The following ROCK2 variants were observed in gnomAD, a reference collection of about 807,000 sequenced individuals.
The protein encoded by ROCK2 is rho-associated protein kinase 2.
Under a neutral mutation model 195.1 loss-of-function variants are expected in ROCK2, and 61 were observed. The observed-to-expected ratio is 0.31, with a 90% CI of 0.25 to 0.39. The LOEUF is 0.39. Among genes scored for constraint, ROCK2 ranks in the 10% least tolerant of loss-of-function variants. The pLI is 1.00. For missense variants in ROCK2, 1,109 were observed against 1,637.4 expected (o/e 0.68, Z 5.57); for synonymous variants, 504 against 545.5 (o/e 0.92, Z 1.06).
intron 1 of ROCK2, among the ~76,000 whole-genome samples, chr2:11,310,625 T>C (rs1668003578): frequency 6.6e-6 from 1 of 152,132 alleles, no homozygotes; most frequent in Non-Finnish European, 1.5e-5. Context: ...ATATTTTATA[T>C]CCTGGCATGC....
chr2:11,298,896 T>C (rs1045675428), intron 1 of ROCK2, among the ~76,000 whole-genome samples: 3 of 152,158 alleles, frequency 2.0e-5, no homozygotes, highest in Non-Finnish European at 4.4e-5. Context: ...TTGTCAGAAT[T>C]TGATATATCA....
In ROCK2 at chr2:11,220,563, T is replaced by C. The variant is rs145299972; in HGVS notation, c.1259+635A>G. Among the ~76,000 whole-genome samples, 103 of 152,248 alleles carry C rather than the reference T, an allele frequency of 6.8e-4. 3 individuals are homozygous for C. In the East Asian group the frequency reaches 0.018, roughly 27 times the overall value. On this transcript the variant is annotated intron_variant, in intron 9 of 32. Transcript: ENST00000315872. ...AGAGACTACAGGCAAGAAAACCACA[T>C]AGTCTCATCGAGTCCTCCAAACTGT...
At chr2:11,296,306 A>G (rs1667536994) in intron 1 of ROCK2, among the ~76,000 whole-genome samples, 1 of 152,176 alleles carries the variant, frequency 6.6e-6, no homozygotes, top group African/African-American at 2.4e-5. Flanking sequence ...GAAAAGATAC[A>G]ACAAACAGAT....
At chr2:11,289,377 T>C (rs1667293862) in intron 1 of ROCK2, among the ~76,000 whole-genome samples, 1 of 152,206 alleles carries the variant, frequency 6.6e-6, no homozygotes, top group South Asian at 2.1e-4. Context: ...ATTAGTATAA[T>C]TTTGATATTT....
At chr2:11,213,713 CG>C (rs1664328449) in intron 17 of ROCK2, among the ~76,000 whole-genome samples, 1 of 151,848 alleles carries the variant, frequency 6.6e-6, no homozygotes, top group Admixed American at 6.6e-5. Context: ...CTTTGCCCTA[CG>C]GACCTATCCT....
chr2:11,322,368 G>T (rs1668427052), intron 1 of ROCK2, among the ~76,000 whole-genome samples: 1 of 151,440 alleles, frequency 6.6e-6, no homozygotes, highest in Non-Finnish European at 1.5e-5. Flanking sequence ...ACTAGTGTGT[G>T]TATATGTATT....
intron 17 of ROCK2, among the ~76,000 whole-genome samples, chr2:11,213,302 T>G (rs545443133): frequency 4.6e-5 from 7 of 152,244 alleles, no homozygotes; most frequent in African/African-American, 1.7e-4. Context: ...TTAAAGCCCT[T>G]AAGTGGCTAG....
At chr2:11,295,623 T>C (rs758104790) in intron 1 of ROCK2, among the ~76,000 whole-genome samples, 6 of 152,174 alleles carry the variant, frequency 3.9e-5, no homozygotes, top group Admixed American at 1.3e-4. Context: ...GATCTGTTTA[T>C]ATAGTGCTCC....
chr2:11,283,661 G>A lies in ROCK2; in HGVS notation c.324+2878C>T, dbSNP rs572187706. 3.3e-5 allele frequency among the ~76,000 whole-genome samples: 5 copies of A among 151,634 alleles called. No individual in the cohort carries two copies. The East Asian group carries it at 9.7e-4, about 29-fold the overall frequency. Reference sequence around the variant, plus strand: ...TATGAAAAGATGTTCCACATCATATGTCATCAGGGAAATGTCAAATTAATA... The same window carrying A: ...TATGAAAAGATGTTCCACATCATATATCATCAGGGAAATGTCAAATTAATA... On this transcript the variant is annotated intron_variant, in intron 3 of 32. Transcript: ENST00000315872.
At position 11,197,230 on chromosome 2, in the gene ROCK2, G is replaced by C; in HGVS notation, c.3398C>G (p.Ser1133Cys). Residue 1133 changes from serine (S) to cysteine (C), a missense_variant, in exon 27 of 33, where the codon TCC (serine) becomes TGC (cysteine). By Grantham distance (112) the Ser-to-Cys change is moderately radical. Transcript: ENST00000315872. The surrounding 1 kb of genome is among the most constrained non-coding windows in gnomAD (Gnocchi z 4.9). ...LQALHIGLDS[S>C]SIGSGPGDAE... ...ATCCCCTGGTCCACTGCCTATACTG[G>C]AACTATCCAGACCAATATGCAAGGC... 6.2e-7 allele frequency: 1 copy of C among 1,613,790 alleles called. No homozygotes were observed. The highest frequency in any genetic ancestry group is 8.5e-7 in the Non-Finnish European group (1 of 1,179,824).
intron 1 of ROCK2, among the ~76,000 whole-genome samples, chr2:11,318,513 T>G (rs1668298962): frequency 6.6e-6 from 1 of 152,200 alleles, no homozygotes; most frequent in Non-Finnish European, 1.5e-5. Flanking sequence ...TAGCCCTTTG[T>G]CAGATGAGTA....
chr2:11,183,586 ATACT>A, intron 32 of ROCK2, 146 bp from the exon 33 acceptor site: 1 of 590,208 alleles, frequency 1.7e-6, no homozygotes, highest in Non-Finnish European at 3.0e-6. Flanking sequence ...ATGCATAAAC[ATACT>A]TACTGTATTA....
chr2:11,252,194 T>G (rs1176648422), intron 3 of ROCK2, among the ~76,000 whole-genome samples: 1 of 152,054 alleles, frequency 6.6e-6, no homozygotes, highest in Non-Finnish European at 1.5e-5. Context: ...GTGGATCACC[T>G]GAAGTCAGGC....
At chr2:11,209,581 T>C (rs1202847223) in intron 18 of ROCK2, among the ~76,000 whole-genome samples, 1 of 152,224 alleles carries the variant, frequency 6.6e-6, no homozygotes, top group Non-Finnish European at 1.5e-5. Flanking sequence ...GTTTTCTAAA[T>C]TATTTACAAT....
At position 11,264,669 on chromosome 2, in the gene ROCK2, G is replaced by A. The variant is rs148898927; in HGVS notation, c.325-14871C>T. ...TTTGAGCATTGCCATTATATAAACT[G>A]TATTTAAAGTCACAGGAATGCATGA... On this transcript the variant is annotated intron_variant, in intron 3 of 32. Transcript: ENST00000315872. 2.9e-3 allele frequency among the ~76,000 whole-genome samples: 448 copies of A among 152,194 alleles called. 3 individuals are homozygous for A. The highest frequency in any genetic ancestry group is 0.01 in the African/African-American group (427 of 41,528).
At chr2:11,299,994 G>A (rs1347590780) in intron 1 of ROCK2, among the ~76,000 whole-genome samples, 2 of 152,108 alleles carry the variant, frequency 1.3e-5, no homozygotes, top group African/African-American at 4.8e-5. Context: ...AGAATGATGA[G>A]CAAGTCTCGG....
At chr2:11,302,628 C>T (rs1667743096) in intron 1 of ROCK2, among the ~76,000 whole-genome samples, 1 of 152,164 alleles carries the variant, frequency 6.6e-6, no homozygotes, top group African/African-American at 2.4e-5. Context: ...TTACATCTGG[C>T]TACCAAGCAC....
intron 3 of ROCK2, among the ~76,000 whole-genome samples, chr2:11,257,610 T>G (rs1162271128): frequency 4.6e-5 from 7 of 151,200 alleles, no homozygotes. Context: ...CTTGGATCAT[T>G]CCAGGAATAC....
intron 1 of ROCK2, among the ~76,000 whole-genome samples, chr2:11,336,532 T>C (rs186232377): frequency 6.6e-6 from 1 of 150,976 alleles, no homozygotes; most frequent in African/African-American, 2.4e-5. Flanking sequence ...ATTACAGGCA[T>C]GAACCACTGT....
Sources: allele counts gnomAD v4.1 joint callset (sites outside exome capture counted in the v4.1 genomes callset), GRCh38; gene constraint gnomAD v4.1.1; non-coding constraint Gnocchi (gnomAD v3.1); transcripts MANE v1.5; gene names NCBI Gene and HGNC (gene_info 2026-07-23, HGNC 2026-07-21).